Variants in CDH12 observed in about 807,000 individuals in gnomAD.
CDH12 encodes cadherin-12.
A neutral mutation model predicts 74.1 loss-of-function variants in CDH12; 41 were observed. The observed-to-expected ratio is 0.55, with a 90% CI of 0.43 to 0.72. The LOEUF (loss-of-function observed/expected upper bound fraction) is 0.72. Ranked by LOEUF, CDH12 falls within the 30% of genes least tolerant of loss-of-function variation. The pLI is 0.00. For synonymous variants in CDH12, 399 were observed against 355.0 expected (o/e 1.12, Z -1.39); for missense variants, 945 against 977.2 (o/e 0.97, Z 0.44).
Position 22,086,370 on chromosome 5 carries a change from A to G in CDH12, c.-186-7508T>C, listed in dbSNP as rs28377216. The stretch of plus-strand genomic sequence containing the variant: ...TTTTTATTATTATTTTTTGAGACGG[A>G]GTCTCACTCTGTCACCCGGGCTGGA... On this transcript the variant is annotated intron_variant, in intron 4 of 14. Transcript: ENST00000382254. Among the ~76,000 whole-genome samples, 887 of 151,916 alleles carry G rather than the reference A, an allele frequency of 5.8e-3. 7 individuals are homozygous for G. Among genetic ancestry groups the G allele is most frequent in the African/African-American group, 0.018 (754 of 41,448 alleles).
intron 1 of CDH12, among the ~76,000 whole-genome samples, chr5:22,688,512 A>T (rs946973125): frequency 6.6e-6 from 1 of 152,120 alleles, no homozygotes; most frequent in Non-Finnish European, 1.5e-5. Flanking sequence ...TTGGCCAACT[A>T]ATAGTGGATC....
At chr5:22,373,419 T>A (rs866609235) in intron 3 of CDH12, among the ~76,000 whole-genome samples, 3 of 152,058 alleles carry the variant, frequency 2.0e-5, no homozygotes, top group African/African-American at 4.8e-5. Context: ...GAGAAACCTC[T>A]CACATGCCCA....
At chr5:21,952,622 G>A (rs114883666) in intron 6 of CDH12, among the ~76,000 whole-genome samples, 2,656 of 152,278 alleles carry the variant, frequency 0.017, 83 homozygotes, top group African/African-American at 0.061. Context: ...GGTGTACTGG[G>A]AGAAAACATG....
intron 1 of CDH12, among the ~76,000 whole-genome samples, chr5:22,523,981 ATTT>A (rs761099580): frequency 6.3e-5 from 9 of 142,218 alleles, no homozygotes; most frequent in Middle Eastern, 3.6e-3. Context: ...TATTATTATT[ATTT>A]TTTTTTTTTT....
intron 4 of CDH12, among the ~76,000 whole-genome samples, chr5:22,185,636 GA>G (rs1749900105): frequency 3.3e-5 from 5 of 152,122 alleles, no homozygotes; most frequent in Admixed American, 3.3e-4. Flanking sequence ...GTATAAGTGA[GA>G]AAGTCCTAGT....
intron 6 of CDH12, among the ~76,000 whole-genome samples, chr5:21,870,306 C>T (rs529470928): frequency 5.5e-4 from 83 of 152,128 alleles, no homozygotes; most frequent in African/African-American, 2.0e-3. Flanking sequence ...GAGGGTGTTT[C>T]CAGAGGAGAT....
intron 3 of CDH12, among the ~76,000 whole-genome samples, chr5:22,345,844 C>T (rs1171431742): frequency 6.6e-6 from 1 of 152,136 alleles, no homozygotes; most frequent in Non-Finnish European, 1.5e-5. Context: ...TGGCTCATGC[C>T]TGTAATCCCA....
At chr5:22,785,360 A>G (rs1349554389) in intron 1 of CDH12, among the ~76,000 whole-genome samples, 3 of 152,156 alleles carry the variant, frequency 2.0e-5, no homozygotes, top group Admixed American at 6.6e-5. Context: ...ATGTAAATCA[A>G]TGTTATTAAA....
intron 5 of CDH12, among the ~76,000 whole-genome samples, chr5:22,020,036 C>T (rs939268229): frequency 1.3e-5 from 2 of 151,942 alleles, no homozygotes; most frequent in African/African-American, 4.8e-5. Context: ...GCATAGGAGG[C>T]TAGGAGGACT....
intron 1 of CDH12, among the ~76,000 whole-genome samples, chr5:22,762,632 T>TC (rs5866591): frequency 0.04 from 6,062 of 152,072 alleles, 293 homozygotes; most frequent in East Asian, 0.17. Context: ...AGAACTAAGA[T>TC]CGTTGGGTCA....
At chr5:22,548,651 C>T (rs1190691054) in intron 1 of CDH12, among the ~76,000 whole-genome samples, 1 of 152,052 alleles carries the variant, frequency 6.6e-6, no homozygotes, top group Non-Finnish European at 1.5e-5. Context: ...ATCGGTGCCT[C>T]TTGTGTGTAT....
At chr5:22,079,422 A>G (rs1290862673) in intron 4 of CDH12, among the ~76,000 whole-genome samples, 1 of 152,214 alleles carries the variant, frequency 6.6e-6, no homozygotes, top group Non-Finnish European at 1.5e-5. Context: ...GAATAAAGAA[A>G]ACAATTTTTA....
chr5:22,248,253 T>G (rs1467488719), intron 3 of CDH12, among the ~76,000 whole-genome samples: 1 of 152,128 alleles, frequency 6.6e-6, no homozygotes, highest in East Asian at 1.9e-4. Context: ...GAGCCCAGAT[T>G]GCACCATTGC....
At chr5:21,787,543 CTG>C (rs1259542921) in intron 10 of CDH12, among the ~76,000 whole-genome samples, 2 of 152,072 alleles carry the variant, frequency 1.3e-5, no homozygotes, top group Middle Eastern at 3.2e-3. Flanking sequence ...AACGAAAAAA[CTG>C]TTTGACTTGC....
intron 4 of CDH12, among the ~76,000 whole-genome samples, chr5:22,080,526 C>T (rs902361002): frequency 6.6e-6 from 1 of 151,966 alleles, no homozygotes; most frequent in African/African-American, 2.4e-5. Flanking sequence ...TTCATTCTGA[C>T]AAAATAATAT....
chr5:22,651,109 C>T (rs1430755080), intron 1 of CDH12, among the ~76,000 whole-genome samples: 1 of 151,890 alleles, frequency 6.6e-6, no homozygotes, highest in Non-Finnish European at 1.5e-5. Context: ...TCAAGAGGCC[C>T]CATATCCAAA....
chr5:22,003,824 C>A (rs1229855467), intron 5 of CDH12, among the ~76,000 whole-genome samples: 44 of 47,386 alleles, frequency 9.3e-4, no homozygotes, highest in East Asian at 2.8e-3. Context: ...CCCGCTTCCA[C>A]AAAAAAAAAA....
At chr5:22,166,637 C>G (rs1239793885) in intron 4 of CDH12, among the ~76,000 whole-genome samples, 1 of 151,988 alleles carries the variant, frequency 6.6e-6, no homozygotes, top group African/African-American at 2.4e-5. Flanking sequence ...CCAAATTATG[C>G]AAAAATATGT....
chr5:22,681,578 G>A (rs905751756), intron 1 of CDH12, among the ~76,000 whole-genome samples: 4 of 151,886 alleles, frequency 2.6e-5, no homozygotes, highest in African/African-American at 7.3e-5. Flanking sequence ...AACTATAAAA[G>A]GAGCAATTTG....
Sources: allele counts gnomAD v4.1 joint callset (sites outside exome capture counted in the v4.1 genomes callset), GRCh38; gene constraint gnomAD v4.1.1; transcripts MANE v1.5; gene names NCBI Gene and HGNC (gene_info 2026-07-23, HGNC 2026-07-21).